The following NUAK1 variants were observed in gnomAD, a reference collection of about 807,000 sequenced individuals.
The protein encoded by NUAK1 is NUAK family kinase 1.
NUAK1 carries 26 observed loss-of-function variants against 56.9 expected under a neutral mutation model. That is an observed-to-expected ratio of 0.46 (90% CI 0.33 to 0.63). The LOEUF (loss-of-function observed/expected upper bound fraction) is 0.63. NUAK1 is among the 30% of genes least tolerant of loss of function. The pLI, the probability that NUAK1 is intolerant of heterozygous loss-of-function variation, is 0.02. For synonymous variants in NUAK1, 337 were observed against 336.0 expected (o/e 1.00, Z -0.03); for missense variants, 727 against 876.1 (o/e 0.83, Z 2.15).
intron 1 of NUAK1, among the ~76,000 whole-genome samples, chr12:106,110,528 A>G (rs1170609006): frequency 6.6e-6 from 1 of 152,176 alleles, no homozygotes. Flanking sequence ...TCTCACATCT[A>G]CAAAGAAACA....
intron 1 of NUAK1, among the ~76,000 whole-genome samples, chr12:106,133,881 G>A (rs1468058625): frequency 6.6e-6 from 1 of 152,142 alleles, no homozygotes; most frequent in Admixed American, 6.5e-5. Context: ...AGCTCCCTGG[G>A]TCTTACTCAT....
rs376406542 is a variant in NUAK1 at position 106,070,826 on chromosome 12, G to T, written c.780C>A (p.Asn260Lys). ...CTCCGCTGCTGATTTGCCGAATGAG[G>T]TTTTTGTGATCGAAACCATCGAAGG... Reference protein sequence around the residue: ...TMPFDGFDHKNLIRQISSGEY... With the variant: ...TMPFDGFDHKKLIRQISSGEY... The change falls in exon 6 of 7, where the codon AAC (asparagine) becomes AAA (lysine). Residue 260 changes from asparagine (N) to lysine (K), a missense_variant. By Grantham distance (94) the Asn-to-Lys change is moderately conservative (BLOSUM62 0). Coordinates refer to ENST00000261402, the MANE Select transcript of NUAK1 (RefSeq NM_014840.3). 73 of 1,614,078 alleles carry T rather than the reference G, an allele frequency of 4.5e-5. No homozygotes were observed. Among genetic ancestry groups the T allele is most frequent in the Middle Eastern group, 3.3e-4 (2 of 6,080 alleles).
intron 1 of NUAK1, among the ~76,000 whole-genome samples, chr12:106,108,373 T>C (rs1009355543): frequency 3.9e-5 from 6 of 152,104 alleles, no homozygotes; most frequent in Non-Finnish European, 7.4e-5. Context: ...CATGGCTGGA[T>C]AGAAGGAGGC....
intron 4 of NUAK1, among the ~76,000 whole-genome samples, chr12:106,083,248 G>A (rs1303648027): frequency 1.5e-4 from 23 of 152,146 alleles, no homozygotes; most frequent in Admixed American, 1.5e-3. Context: ...TAGGAGACAG[G>A]GTGGAGAGTG....
At chr12:106,094,339 A>G (rs1377707683) in intron 2 of NUAK1, among the ~76,000 whole-genome samples, 1 of 152,216 alleles carries the variant, frequency 6.6e-6, no homozygotes, top group East Asian at 1.9e-4. Flanking sequence ...AGGTCAGTAC[A>G]GTCCTCACAG....
chr12:106,109,096 GAGGAGACAAATGCT>G (rs2032833220), intron 1 of NUAK1, among the ~76,000 whole-genome samples: 1 of 152,184 alleles, frequency 6.6e-6, no homozygotes, highest in Non-Finnish European at 1.5e-5. Context: ...AGGAAGTCAG[GAGGAGACAAATGCT>G]AGAAATCACT....
At chr12:106,094,875 A>AT (rs1257661975) in intron 2 of NUAK1, among the ~76,000 whole-genome samples, 3 of 152,200 alleles carry the variant, frequency 2.0e-5, no homozygotes, top group Non-Finnish European at 2.9e-5. Flanking sequence ...CAATCCTAGG[A>AT]AGGCAGGGGA....
chr12:106,069,195 C>T (rs1020782751), intron 6 of NUAK1, among the ~76,000 whole-genome samples: 25 of 152,168 alleles, frequency 1.6e-4, no homozygotes, highest in Non-Finnish European at 2.5e-4. Context: ...AATCAATATT[C>T]GCAGCTCTTT....
intron 1 of NUAK1, among the ~76,000 whole-genome samples, chr12:106,136,218 T>C (rs907373569): frequency 1.3e-5 from 2 of 152,168 alleles, no homozygotes; most frequent in South Asian, 2.1e-4. Flanking sequence ...TGCTGCCAGA[T>C]TTAAAATCTT....
At chr12:106,135,107 G>C (rs2033116699) in intron 1 of NUAK1, among the ~76,000 whole-genome samples, 1 of 152,194 alleles carries the variant, frequency 6.6e-6, no homozygotes, top group African/African-American at 2.4e-5. Context: ...AGTCTATGAA[G>C]TTGGTACTCT....
chr12:106,083,095 C>T (rs1384604630), intron 4 of NUAK1, among the ~76,000 whole-genome samples: 1 of 152,208 alleles, frequency 6.6e-6, no homozygotes, highest in East Asian at 1.9e-4. Context: ...CTTTCTCCAG[C>T]TCCAGCAGCA....
chr12:106,067,171 G>C lies in NUAK1; in HGVS notation c.1617C>G (p.Ala539=), dbSNP rs760053217. ...GTGTGGGCATTTCAGGGCTGACCAG[G>C]GCTGGGTCCATGGTGCCCGCTGAGT... ...SKYSAGTMDP[A]LVSPEMPTLE... Residue 539 remains alanine (A), a synonymous_variant, in exon 7 of 7, where the codon GCC becomes GCG. Transcript: ENST00000261402. The surrounding 1 kb of genome is among the most constrained non-coding windows in gnomAD (Gnocchi z 6.0). 2 of 1,614,132 alleles carry C rather than the reference G, an allele frequency of 1.2e-6. No homozygotes were observed. The highest frequency in any genetic ancestry group is 8.5e-7 in the Non-Finnish European group (1 of 1,180,010).
At chr12:106,068,522 C>A (rs1176413823) in intron 6 of NUAK1, among the ~76,000 whole-genome samples, 6 of 152,202 alleles carry the variant, frequency 3.9e-5, no homozygotes, top group Non-Finnish European at 7.3e-5. Context: ...GGCCTCGCCC[C>A]AAGGTCCAGG....
intron 1 of NUAK1, among the ~76,000 whole-genome samples, chr12:106,135,156 A>G (rs1394093569): frequency 6.6e-6 from 1 of 152,230 alleles, no homozygotes; most frequent in Non-Finnish European, 1.5e-5. Context: ...TGAGGTTTCA[A>G]AAAGTCACAT....
Position 106,067,441 on chromosome 12 carries a change from C to G in NUAK1, c.1347G>C (p.Glu449Asp). 6.2e-7 allele frequency: 1 copy of G among 1,614,168 alleles called. No homozygotes were observed. Among genetic ancestry groups the G allele is most frequent in the Non-Finnish European group, 8.5e-7 (1 of 1,180,032 alleles). ...GCTTGGGGCTGAGTTTTCCCGGCAC[C>G]TCTGCCTCTGGTGAGCTTGGGAGGA... ...GVLLPSSPEA[E>D]VPGKLSPKQS... The change falls in exon 7 of 7, where the codon GAG (glutamate) becomes GAC (aspartate). Residue 449 changes from glutamate to aspartate, a missense_variant. By Grantham distance (45) the Glu-to-Asp change is conservative. Coordinates refer to ENST00000261402, the MANE Select transcript of NUAK1 (RefSeq NM_014840.3). This position sits in a 1 kb window ranked among gnomAD's most constrained non-coding sequence, Gnocchi z 6.0.
chr12:106,082,678 C>T lies in NUAK1; in HGVS notation c.579+1186G>A, dbSNP rs370496242. Reference sequence around the variant, plus strand: ...GACTACATGTGACTACGGTCAAACACTCTGCAAGAGCAAGAGGTCACTGGG... The same window carrying T: ...GACTACATGTGACTACGGTCAAACATTCTGCAAGAGCAAGAGGTCACTGGG... On this transcript the variant is annotated intron_variant, in intron 4 of 6. Coordinates refer to ENST00000261402, the MANE Select transcript of NUAK1 (RefSeq NM_014840.3). Among the ~76,000 whole-genome samples, 71 of 152,304 alleles carry T rather than the reference C, an allele frequency of 4.7e-4. 2 individuals are homozygous for T. The highest frequency in any genetic ancestry group is 1.7e-3 in the African/African-American group (70 of 41,552).
At chr12:106,132,677 C>T (rs1169235815) in intron 1 of NUAK1, among the ~76,000 whole-genome samples, 1 of 152,210 alleles carries the variant, frequency 6.6e-6, no homozygotes, top group Non-Finnish European at 1.5e-5. Flanking sequence ...TTCATTACAA[C>T]AAACTCCTCG....
intron 1 of NUAK1, among the ~76,000 whole-genome samples, chr12:106,118,216 C>T (rs2032938894): frequency 6.6e-6 from 1 of 152,166 alleles, no homozygotes; most frequent in Non-Finnish European, 1.5e-5. Context: ...GCCCCCACCA[C>T]CACCCCATGA....
In NUAK1 at chr12:106,138,639, G is replaced by T; in HGVS notation, c.15C>A (p.Ala5=). 1 of 1,544,230 alleles carries T rather than the reference G, an allele frequency of 6.5e-7. No individual in the cohort carries two copies. The highest frequency in any genetic ancestry group is 8.7e-7 in the Non-Finnish European group (1 of 1,153,964). ...CGGGGCGGTCCCCCGCCACAGGCGC[G>T]GCGGCCCCTTCCATGTCCAAGCGCG... The part of the protein sequence containing the change: MEGA[A]APVAGDRPDL... Residue 5 remains alanine, a synonymous_variant, in exon 1 of 7, where the codon GCC becomes GCA. Coordinates refer to ENST00000261402, the MANE Select transcript of NUAK1 (RefSeq NM_014840.3). The surrounding 1 kb of genome is among the most constrained non-coding windows in gnomAD (Gnocchi z 5.0).
Sources: allele counts gnomAD v4.1 joint callset (sites outside exome capture counted in the v4.1 genomes callset), GRCh38; gene constraint gnomAD v4.1.1; non-coding constraint Gnocchi (gnomAD v3.1); transcripts MANE v1.5; gene names NCBI Gene and HGNC (gene_info 2026-07-23, HGNC 2026-07-21).